The following ARPC5L variants were observed in gnomAD, a reference collection of about 807,000 sequenced individuals.
ARPC5L encodes actin-related protein 2/3 complex subunit 5-like protein.
In ARPC5L, 4 loss-of-function variants were observed where a neutral mutation model predicts 16.9. That is an observed-to-expected ratio of 0.24 (90% CI 0.12 to 0.54). ARPC5L has a LOEUF of 0.54. Among genes scored for constraint, ARPC5L ranks in the 20% least tolerant of loss-of-function variants. The pLI is 0.95. For synonymous variants in ARPC5L, 78 were observed against 82.6 expected, an observed-to-expected ratio of 0.94 and a Z score of 0.30; for missense variants, 151 against 201.9, an observed-to-expected ratio of 0.75 and a Z score of 1.53.
Position 124,873,734 on chromosome 9 carries a change from T to G in ARPC5L, c.192T>G (p.Ser64=). ...LRAFHAALRN[S]PVNTKNQAVK... Reference sequence around the variant, plus strand: ...CATTCCATGCAGCCTTGCGGAACTCTCCCGTCAACACCAAGAATCAAGCTG... The same window carrying G: ...CATTCCATGCAGCCTTGCGGAACTCGCCCGTCAACACCAAGAATCAAGCTG... The change falls in exon 4 of 6, where the codon TCT becomes TCG. Residue 64 remains serine, a synonymous_variant. Coordinates refer to ENST00000353214, the MANE Select transcript of ARPC5L (RefSeq NM_030978.3). 3 of 1,614,210 alleles carry G rather than the reference T, an allele frequency of 1.9e-6. No individual in the cohort carries two copies. Among genetic ancestry groups the G allele is most frequent in the Non-Finnish European group, 2.5e-6 (3 of 1,180,034 alleles).
At chr9:124,872,926 T>C (rs1182529181) in intron 3 of ARPC5L, 1 of 152,286 alleles carries the variant, frequency 6.6e-6, no homozygotes, top group Non-Finnish European at 1.5e-5. Context: ...CATTCCTTGT[T>C]CTATTTTTGA....
At chr9:124,876,727 C>G in intron 5 of ARPC5L, 151 bp from the exon 6 acceptor site, 1 of 654,344 alleles carries the variant, frequency 1.5e-6, no homozygotes, top group Non-Finnish European at 2.6e-6. Context: ...GACAGGGCTC[C>G]TTCCCTAGAA....
chr9:124,874,615 G>A (rs1000199376), intron 4 of ARPC5L, among the ~76,000 whole-genome samples: 2 of 152,184 alleles, frequency 1.3e-5, no homozygotes, highest in African/African-American at 2.4e-5. Flanking sequence ...GAGCCTGGGA[G>A]AGGCTGCAGT....
At chr9:124,869,886 G>A (rs932948928) in intron 3 of ARPC5L, among the ~76,000 whole-genome samples, 2 of 152,268 alleles carry the variant, frequency 1.3e-5, no homozygotes, top group Non-Finnish European at 2.9e-5. Flanking sequence ...GGGAGGCTGG[G>A]GCGCGGTCCT....
At chr9:124,876,306 G>T (rs1006977712) in intron 5 of ARPC5L, among the ~76,000 whole-genome samples, 9 of 152,060 alleles carry the variant, frequency 5.9e-5, no homozygotes, top group Non-Finnish European at 1.3e-4. Context: ...GGGCAACATG[G>T]TGAAACCCCG....
At position 124,873,759 on chromosome 9, in the gene ARPC5L, G is replaced by A; in HGVS notation, c.217G>A (p.Val73Met). Reference sequence around the variant, plus strand: ...TCCCGTCAACACCAAGAATCAAGCTGTGAAGGTAAAGGGGTGGCGCTGCGG... The same window carrying A: ...TCCCGTCAACACCAAGAATCAAGCTATGAAGGTAAAGGGGTGGCGCTGCGG... ...NSPVNTKNQA[V>M]KERAQGVVLK... The change falls in exon 4 of 6, where the codon GTG (valine) becomes ATG (methionine). Residue 73 changes from valine to methionine, a missense_variant. Physicochemically the swap from Val to Met is conservative, Grantham distance 21. Coordinates refer to ENST00000353214, the MANE Select transcript of ARPC5L (RefSeq NM_030978.3). 1.2e-6 allele frequency: 2 copies of A among 1,614,232 alleles called. No homozygotes were observed.
Position 124,874,955 on chromosome 9 carries a change from T to C in ARPC5L, c.223-20T>C. 6.2e-7 allele frequency: 1 copy of C among 1,613,208 alleles called. No individual in the cohort carries two copies. Among genetic ancestry groups the C allele is most frequent in the Non-Finnish European group, 8.5e-7 (1 of 1,179,838 alleles). ...GTGCCTTCGCAGCTCTGGGACTCAC[T>C]TGCTCTTTTTCGTCTGCAGGAGCGA... On this transcript the variant is annotated intron_variant, in intron 4 of 5. Coordinates refer to ENST00000353214, the MANE Select transcript of ARPC5L (RefSeq NM_030978.3).
chr9:124,869,457 G>C lies in ARPC5L; in HGVS notation c.149+18G>C. ...CTGCGGCAATATCCTTCCCTGACGC[G>C]GCGTCCGGGCCTGCGCGCGGCCTTC... On this transcript the variant is annotated intron_variant, in intron 3 of 5. Transcript: ENST00000353214. 2.1e-6 allele frequency: 3 copies of C among 1,436,816 alleles called. No homozygotes were observed. Among genetic ancestry groups the C allele is most frequent in the Non-Finnish European group, 2.7e-6 (3 of 1,096,662 alleles). The allele number at this position is 1,436,816 out of a possible 1,614,324, so 89.0% of individuals were successfully genotyped here. A position where few individuals can be genotyped will look rare whatever the true frequency, so the allele number is the denominator to read the frequency against.
In ARPC5L at chr9:124,869,085, G is replaced by A. The variant is rs894716578; in HGVS notation, c.-206G>A. ...TCCCATACCGCACTCCAGGTGCCAG[G>A]CTCCGCCCCGCCCCTGACGGCGCTT... On this transcript the variant is annotated 5_prime_UTR_variant, in exon 3 of 6. Coordinates refer to ENST00000353214, the MANE Select transcript of ARPC5L (RefSeq NM_030978.3). The A allele has an allele frequency of 2.1e-6, 1 of 472,872 alleles. No individual in the cohort carries two copies. Among genetic ancestry groups the A allele is most frequent in the East Asian group, 3.9e-5 (1 of 25,722 alleles). The allele number at this position is 472,872 out of a possible 1,614,324, so 29.3% of individuals were successfully genotyped here.
At chr9:124,874,707 TTCTC>T (rs35052557) in intron 4 of ARPC5L, among the ~76,000 whole-genome samples, 8 of 149,470 alleles carry the variant, frequency 5.4e-5, no homozygotes, top group African/African-American at 1.5e-4. Context: ...CTCTTTTCTC[TTCTC>T]TCTCTCTCTC....
chr9:124,869,978 G>A (rs1829332747), intron 3 of ARPC5L, among the ~76,000 whole-genome samples: 1 of 152,152 alleles, frequency 6.6e-6, no homozygotes, highest in African/African-American at 2.4e-5. Flanking sequence ...GAGTGGAGGC[G>A]GCCGCCGTAT....
chr9:124,869,306 C>T lies in ARPC5L; in HGVS notation c.16C>T (p.Leu6=), dbSNP rs1325970232. 1 of 1,529,408 alleles carries T rather than the reference C, an allele frequency of 6.5e-7. No homozygotes were observed. Among genetic ancestry groups the T allele is most frequent in the Non-Finnish European group, 8.8e-7 (1 of 1,138,280 alleles). 94.7% of individuals were successfully genotyped at this position (1,529,408 alleles called of 1,614,324 possible). A position where few individuals can be genotyped will look rare whatever the true frequency, so the allele number is the denominator to read the frequency against. Residue 6 remains leucine, a synonymous_variant, in exon 3 of 6, where the codon CTG becomes TTG. Transcript: ENST00000353214. ...AGCTCCCGCCATGGCCCGGAACACG[C>T]TGTCCTCGCGCTTCCGCCGGGTGGA... MARNT[L]SSRFRRVDID...
intron 1 of ARPC5L, among the ~76,000 whole-genome samples, chr9:124,863,629 C>T (rs774089299): frequency 5.9e-5 from 9 of 152,126 alleles, no homozygotes; most frequent in African/African-American, 2.2e-4. Flanking sequence ...CGAAATCTGA[C>T]GCATAACAAT....
chr9:124,872,919 TC>T (rs1187387653), intron 3 of ARPC5L: 1 of 152,256 alleles, frequency 6.6e-6, no homozygotes, highest in African/African-American at 2.4e-5. Flanking sequence ...CAGAAGCCAT[TC>T]CTTGTTCTAT....
At chr9:124,866,982 C>T (rs1829278877) in intron 2 of ARPC5L, among the ~76,000 whole-genome samples, 1 of 152,152 alleles carries the variant, frequency 6.6e-6, no homozygotes, top group Admixed American at 6.5e-5. Flanking sequence ...CTTTCCTCGG[C>T]CTACAGAGCC....
At chr9:124,871,114 A>G (rs867864372) in intron 3 of ARPC5L, among the ~76,000 whole-genome samples, 2 of 152,116 alleles carry the variant, frequency 1.3e-5, no homozygotes, top group African/African-American at 4.8e-5. Flanking sequence ...TCGGACTTAT[A>G]TTAGACCATT....
At chr9:124,871,462 C>T (rs1290457438) in intron 3 of ARPC5L, among the ~76,000 whole-genome samples, 1 of 152,126 alleles carries the variant, frequency 6.6e-6, no homozygotes, top group Non-Finnish European at 1.5e-5. Context: ...GCAGATAGAG[C>T]GGCAGCATGG....
At chr9:124,871,849 C>T (rs992598713) in intron 3 of ARPC5L, among the ~76,000 whole-genome samples, 6 of 152,160 alleles carry the variant, frequency 3.9e-5, no homozygotes. Context: ...GCCTATGACA[C>T]ACAGCTAAGA....
intron 5 of ARPC5L, among the ~76,000 whole-genome samples, 191 bp from the exon 6 acceptor site, chr9:124,876,687 C>T (rs1158312332): frequency 6.6e-6 from 1 of 152,176 alleles, no homozygotes; most frequent in Non-Finnish European, 1.5e-5. Flanking sequence ...TGCCCAAGAG[C>T]CAACAGCTCT....
Sources: allele counts gnomAD v4.1 joint callset (sites outside exome capture counted in the v4.1 genomes callset), GRCh38; gene constraint gnomAD v4.1.1; transcripts MANE v1.5; gene names NCBI Gene and HGNC (gene_info 2026-07-23, HGNC 2026-07-21).